GRIA4: variants seen among roughly 807,000 people sequenced by gnomAD.
GRIA4 encodes glutamate ionotropic receptor AMPA type subunit 4.
GRIA4 carries 34 observed loss-of-function variants against 104.0 expected under a neutral mutation model. The observed-to-expected ratio is 0.33, with a 90% CI of 0.25 to 0.44. GRIA4 has a LOEUF of 0.44. Ranked by LOEUF, GRIA4 falls within the 20% of genes least tolerant of loss-of-function variation. The pLI, the probability that GRIA4 is intolerant of heterozygous loss-of-function variation, is 1.00. For synonymous variants in GRIA4, 386 were observed against 381.9 expected (o/e 1.01, Z -0.13); for missense variants, 750 against 1,096.5 (o/e 0.68, Z 4.46).
At chr11:105,675,361 G>T (rs1388248344) in intron 3 of GRIA4, among the ~76,000 whole-genome samples, 1 of 151,732 alleles carries the variant, frequency 6.6e-6, no homozygotes, top group Non-Finnish European at 1.5e-5. Context: ...TTATTTACTG[G>T]AGACATCTGT....
At chr11:105,830,511 T>C (rs986629267) in intron 4 of GRIA4, among the ~76,000 whole-genome samples, 2 of 152,050 alleles carry the variant, frequency 1.3e-5, no homozygotes, top group East Asian at 1.9e-4. Context: ...GGCTGGCTCA[T>C]AGCCCCTATA....
At chr11:105,724,720 C>A (rs905271441) in intron 3 of GRIA4, among the ~76,000 whole-genome samples, 5 of 151,984 alleles carry the variant, frequency 3.3e-5, no homozygotes. Context: ...ACACTAAAAG[C>A]CAAGACCATC....
chr11:105,764,853 G>GC (rs1940856907), intron 4 of GRIA4, among the ~76,000 whole-genome samples: 1 of 151,862 alleles, frequency 6.6e-6, no homozygotes, highest in African/African-American at 2.4e-5. Context: ...AGTCCTCTTA[G>GC]CAACACCTAG....
chr11:105,973,754 C>T (rs1230456874), intron 15 of GRIA4, among the ~76,000 whole-genome samples: 2 of 151,978 alleles, frequency 1.3e-5, no homozygotes, highest in Non-Finnish European at 2.9e-5. Context: ...TAATGTGTAC[C>T]TTGGCACATT....
chr11:105,795,118 C>T (rs1419730477), intron 4 of GRIA4, among the ~76,000 whole-genome samples: 3 of 152,128 alleles, frequency 2.0e-5, no homozygotes, highest in Non-Finnish European at 2.9e-5. Context: ...CATGCTGGTG[C>T]GCTGCATAAC....
intron 3 of GRIA4, among the ~76,000 whole-genome samples, chr11:105,705,627 G>T (rs1953670279): frequency 1.3e-5 from 2 of 151,884 alleles, no homozygotes; most frequent in Non-Finnish European, 2.9e-5. Context: ...GAGAGAGAGA[G>T]CTTACTCGAG....
intron 7 of GRIA4, among the ~76,000 whole-genome samples, chr11:105,903,435 A>G (rs1189044201): frequency 2.6e-5 from 4 of 152,198 alleles, no homozygotes; most frequent in Admixed American, 2.0e-4. Context: ...CTGGGGTTCA[A>G]CCACAGAAAC....
At chr11:105,881,702 C>T (rs746516159) in intron 5 of GRIA4, among the ~76,000 whole-genome samples, 3 of 150,768 alleles carry the variant, frequency 2.0e-5, no homozygotes, top group Non-Finnish European at 4.4e-5. Context: ...AATAAACACA[C>T]ACACACACAC....
At chr11:105,663,985 T>C (rs1040516358) in intron 3 of GRIA4, among the ~76,000 whole-genome samples, 2 of 151,216 alleles carry the variant, frequency 1.3e-5, no homozygotes, top group African/African-American at 4.9e-5. Context: ...ACTACCATGA[T>C]AATAATATTT....
intron 3 of GRIA4, among the ~76,000 whole-genome samples, chr11:105,697,937 T>C (rs961880334): frequency 6.6e-6 from 1 of 152,162 alleles, no homozygotes; most frequent in Non-Finnish European, 1.5e-5. Flanking sequence ...CCAACACAGG[T>C]TAAGAACCAC....
At chr11:105,653,914 T>TG (rs912639062) in intron 3 of GRIA4, among the ~76,000 whole-genome samples, 2 of 145,804 alleles carry the variant, frequency 1.4e-5, no homozygotes, top group African/African-American at 5.1e-5. Context: ...AATTAGTTTG[T>TG]GGGGGAAAAT....
At chr11:105,898,217 C>A in intron 6 of GRIA4, 52 bp from the exon 7 acceptor site, 1 of 862,634 alleles carries the variant, frequency 1.2e-6, no homozygotes, top group Non-Finnish European at 1.9e-6. Flanking sequence ...TATTGAAGAG[C>A]TGCCATGTAT....
At chr11:105,769,264 A>G (rs1431994007) in intron 4 of GRIA4, among the ~76,000 whole-genome samples, 2 of 152,122 alleles carry the variant, frequency 1.3e-5, no homozygotes, top group Non-Finnish European at 2.9e-5. Context: ...GTTCTGATTG[A>G]GGCACATGCA....
intron 3 of GRIA4, among the ~76,000 whole-genome samples, chr11:105,691,330 T>C (rs1452824273): frequency 6.6e-6 from 1 of 152,026 alleles, no homozygotes; most frequent in Non-Finnish European, 1.5e-5. Context: ...GGTTTTTAAA[T>C]ATAGGAAACA....
At chr11:105,692,223 A>T (rs1263818533) in intron 3 of GRIA4, among the ~76,000 whole-genome samples, 2 of 152,064 alleles carry the variant, frequency 1.3e-5, no homozygotes, top group Non-Finnish European at 2.9e-5. Flanking sequence ...TGCATTAGGC[A>T]CATTACATAT....
chr11:105,669,893 T>A (rs1290206001), intron 3 of GRIA4, among the ~76,000 whole-genome samples: 1 of 152,072 alleles, frequency 6.6e-6, no homozygotes, highest in African/African-American at 2.4e-5. Flanking sequence ...TGATCCCGGA[T>A]GGATACATCT....
intron 4 of GRIA4, among the ~76,000 whole-genome samples, chr11:105,794,408 C>T (rs556778933): frequency 1.9e-4 from 27 of 140,044 alleles, no homozygotes; most frequent in Admixed American, 1.6e-3. Context: ...TATATACACA[C>T]ATATATGTGT....
intron 3 of GRIA4, among the ~76,000 whole-genome samples, chr11:105,649,776 T>C (rs1175176460): frequency 6.6e-6 from 1 of 152,096 alleles, no homozygotes; most frequent in African/African-American, 2.4e-5. Context: ...TTATAACCTT[T>C]GATCTGTAAA....
chr11:105,619,346 T>G (rs1460350059), intron 3 of GRIA4, among the ~76,000 whole-genome samples: 1 of 152,014 alleles, frequency 6.6e-6, no homozygotes, highest in Non-Finnish European at 1.5e-5. Flanking sequence ...CCACATGTAG[T>G]TAAAAATCAG....
Sources: allele counts gnomAD v4.1 joint callset (sites outside exome capture counted in the v4.1 genomes callset), GRCh38; gene constraint gnomAD v4.1.1; transcripts MANE v1.5; gene names NCBI Gene and HGNC (gene_info 2026-07-23, HGNC 2026-07-21).